The following SBF2 variants were observed in gnomAD, a reference collection of about 807,000 sequenced individuals.
The protein encoded by SBF2 is SET binding factor 2, also known as myotubularin-related protein 13.
A neutral mutation model predicts 225.2 loss-of-function variants in SBF2; 112 were observed. The observed-to-expected ratio is 0.50, with a 90% CI of 0.43 to 0.58. The LOEUF is 0.58. Among genes scored for constraint, SBF2 ranks in the 20% least tolerant of loss-of-function variants. The pLI is 0.00. For missense variants in SBF2, 1,996 were observed against 2,206.2 expected (o/e 0.90, Z 1.91); for synonymous variants, 763 against 773.3 (o/e 0.99, Z 0.22).
At chr11:10,146,841 C>A (rs1954909966) in intron 2 of SBF2, among the ~76,000 whole-genome samples, 1 of 152,034 alleles carries the variant, frequency 6.6e-6, no homozygotes, top group African/African-American at 2.4e-5. Flanking sequence ...GTCTAATATT[C>A]AGCAACTCTA....
At chr11:10,291,657 AACACACACACACACAC>A (rs10580039) in intron 1 of SBF2, among the ~76,000 whole-genome samples, 141 of 146,078 alleles carry the variant, frequency 9.7e-4, no homozygotes, top group Middle Eastern at 6.9e-3. Flanking sequence ...TAATCCACTA[AACACACACACACACAC>A]ACACACACAC....
At chr11:10,131,620 G>A (rs1005276198) in intron 2 of SBF2, among the ~76,000 whole-genome samples, 1 of 152,062 alleles carries the variant, frequency 6.6e-6, no homozygotes, top group Non-Finnish European at 1.5e-5. Context: ...TTTTAGTAGA[G>A]ACAGGATTTC....
intron 1 of SBF2, among the ~76,000 whole-genome samples, chr11:10,299,241 G>A (rs1180161101): frequency 6.7e-6 from 1 of 149,816 alleles, no homozygotes; most frequent in Non-Finnish European, 1.5e-5. Context: ...AGGAGGCTGA[G>A]GCAAAAGAAT....
intron 2 of SBF2, among the ~76,000 whole-genome samples, chr11:10,153,341 T>G (rs777790953): frequency 9.2e-5 from 14 of 152,298 alleles, no homozygotes; most frequent in Middle Eastern, 6.8e-3. Context: ...ATTATACAAA[T>G]CTACATCTTC....
chr11:10,280,858 C>A (rs1963361388), intron 1 of SBF2, among the ~76,000 whole-genome samples: 1 of 152,138 alleles, frequency 6.6e-6, no homozygotes, highest in Non-Finnish European at 1.5e-5. Flanking sequence ...AGGCGGGCAG[C>A]CTTCACTGGT....
chr11:9,989,739 C>T, intron 12 of SBF2, 144 bp from the exon 13 acceptor site: 1 of 604,936 alleles, frequency 1.7e-6, no homozygotes, highest in South Asian at 2.1e-5. Context: ...TTTGGGGTTT[C>T]ACCTCCATTC....
intron 16 of SBF2, among the ~76,000 whole-genome samples, chr11:9,901,494 G>A (rs530067406): frequency 1.7e-4 from 26 of 152,196 alleles, no homozygotes; most frequent in East Asian, 7.7e-4. Context: ...GCCCCATTAC[G>A]CCCTCTCCCT....
At chr11:10,233,073 A>C (rs1400002712) in intron 1 of SBF2, among the ~76,000 whole-genome samples, 1 of 152,212 alleles carries the variant, frequency 6.6e-6, no homozygotes, top group Admixed American at 6.5e-5. Flanking sequence ...TTTTAAGGAA[A>C]TATTTTCAGC....
intron 1 of SBF2, among the ~76,000 whole-genome samples, chr11:10,274,410 GGTTTCATTTTATTAAGAGAATTAGAAA>G (rs1411703886): frequency 6.6e-6 from 1 of 152,002 alleles, no homozygotes; most frequent in Non-Finnish European, 1.5e-5. Flanking sequence ...TTTTATTAAG[GGTTTCATTTTATTAAGAGAATTAGAAA>G]GTTTCATTTT....
At chr11:9,856,296 T>A (rs1048682336) in intron 19 of SBF2, among the ~76,000 whole-genome samples, 162 bp downstream of exon 19, 4 of 152,136 alleles carry the variant, frequency 2.6e-5, no homozygotes, top group Non-Finnish European at 5.9e-5. Flanking sequence ...ATGAAGTGAA[T>A]CTTTTAGAAA....
chr11:10,125,297 C>T (rs1046413758), intron 2 of SBF2, among the ~76,000 whole-genome samples: 3 of 151,954 alleles, frequency 2.0e-5, no homozygotes, highest in African/African-American at 7.3e-5. Context: ...TTTTCTAATA[C>T]TTTGCTTAGG....
intron 38 of SBF2, 24 bp from the exon 39 acceptor site, chr11:9,781,662 A>C: frequency 6.2e-7 from 1 of 1,614,020 alleles, no homozygotes; most frequent in Non-Finnish European, 8.5e-7. Context: ...GATACAAGTG[A>C]GATATAAGAG....
At chr11:10,197,241 A>C (rs1957409958) in intron 1 of SBF2, among the ~76,000 whole-genome samples, 1 of 152,188 alleles carries the variant, frequency 6.6e-6, no homozygotes, top group Non-Finnish European at 1.5e-5. Flanking sequence ...AGATAGATTG[A>C]GTTCTTTCAA....
At position 9,992,315 on chromosome 11, in the gene SBF2, T is replaced by C. The variant is rs1947475352; in HGVS notation, c.1296+100A>G. 9 of 889,282 alleles carry C rather than the reference T, an allele frequency of 1.0e-5. No individual in the cohort carries two copies. In the Middle Eastern group the frequency reaches 1.2e-3, roughly 115 times the overall value. The allele number at this position is 889,282 out of a possible 1,614,324, so 55.1% of individuals were successfully genotyped here. A position where few individuals can be genotyped will look rare whatever the true frequency, so the allele number is the denominator to read the frequency against. On this transcript the variant is annotated intron_variant, in intron 12 of 39. Coordinates refer to ENST00000256190, the MANE Select transcript of SBF2 (RefSeq NM_030962.4). Reference sequence around the variant, plus strand: ...ACATTGGGATTATTTAATACCTAATTTATATTTGACTATATAAATATGGAA... The same window carrying C: ...ACATTGGGATTATTTAATACCTAATCTATATTTGACTATATAAATATGGAA...
chr11:9,935,635 G>C (rs986884953), intron 16 of SBF2, among the ~76,000 whole-genome samples: 2 of 151,952 alleles, frequency 1.3e-5, no homozygotes, highest in Non-Finnish European at 2.9e-5. Flanking sequence ...CAGAACAGAG[G>C]CCTCAGAAAT....
At chr11:9,941,930 TAA>T (rs1251001583) in intron 16 of SBF2, among the ~76,000 whole-genome samples, 1 of 152,186 alleles carries the variant, frequency 6.6e-6, no homozygotes, top group African/African-American at 2.4e-5. Context: ...TATTAATAGA[TAA>T]GTTTACTGTA....
At chr11:9,882,669 C>T (rs773463278) in intron 17 of SBF2, among the ~76,000 whole-genome samples, 30 of 151,742 alleles carry the variant, frequency 2.0e-4, no homozygotes, top group East Asian at 1.7e-3. Context: ...TAGCTGGGCG[C>T]GGTGGCAGGC....
chr11:10,201,937 TAATA>T (rs764111854), intron 1 of SBF2, among the ~76,000 whole-genome samples: 13 of 152,192 alleles, frequency 8.5e-5, no homozygotes, highest in African/African-American at 1.2e-4. Flanking sequence ...TCATTAAAAA[TAATA>T]AATAAACAGC....
intron 17 of SBF2, among the ~76,000 whole-genome samples, chr11:9,876,347 G>A (rs557281948): frequency 1.3e-5 from 2 of 152,264 alleles, no homozygotes; most frequent in South Asian, 4.1e-4. Flanking sequence ...TTTACTATGT[G>A]TTATAAACTG....
Sources: allele counts gnomAD v4.1 joint callset (sites outside exome capture counted in the v4.1 genomes callset), GRCh38; gene constraint gnomAD v4.1.1; transcripts MANE v1.5; gene names NCBI Gene and HGNC (gene_info 2026-07-23, HGNC 2026-07-21).